OR6N1: variants seen among roughly 807,000 people sequenced by gnomAD.
OR6N1 encodes olfactory receptor 6N1.
For synonymous variants in OR6N1, 170 were observed against 150.7 expected, an observed-to-expected ratio of 1.13 and a Z score of -0.94; for missense variants, 394 against 371.7, an observed-to-expected ratio of 1.06 and a Z score of -0.49.
At chr1:158,838,811 T>C in the OR6N1 span, among the ~76,000 whole-genome samples, 1 of 152,194 alleles carries the variant, frequency 6.6e-6, no homozygotes, top group East Asian at 1.9e-4. Flanking sequence ...TAATTACACA[T>C]GACCTGTCTA....
At chr1:158,838,028 A>G in the OR6N1 span, among the ~76,000 whole-genome samples, 1 of 151,850 alleles carries the variant, frequency 6.6e-6, no homozygotes, top group African/African-American at 2.4e-5. Flanking sequence ...AATATTACAA[A>G]TTGCATTTAT....
At chr1:158,779,746 AC>A in the OR6N1 span, among the ~76,000 whole-genome samples, 1 of 152,220 alleles carries the variant, frequency 6.6e-6, no homozygotes, top group Non-Finnish European at 1.5e-5. Flanking sequence ...CCATCTGGGA[AC>A]TGCTTCTTAT....
chr1:158,776,446 T>C (rs1287893639), upstream of OR6N1: 5 of 367,298 alleles, frequency 1.4e-5, no homozygotes, highest in African/African-American at 4.2e-5. Context: ...CTAGGAAATA[T>C]ACATGCTTTT....
chr1:158,815,208 G>C, the OR6N1 span, among the ~76,000 whole-genome samples: 3 of 152,070 alleles, frequency 2.0e-5, no homozygotes, highest in Admixed American at 2.0e-4. Flanking sequence ...TAATCCTTAG[G>C]AGTCCCTTCA....
the OR6N1 span, among the ~76,000 whole-genome samples, chr1:158,835,282 C>A: frequency 6.6e-6 from 1 of 152,108 alleles, no homozygotes; most frequent in Non-Finnish European, 1.5e-5. Context: ...TACATTTGTG[C>A]CTTCTTTAAT....
At chr1:158,791,215 A>G in the OR6N1 span, among the ~76,000 whole-genome samples, 2 of 152,106 alleles carry the variant, frequency 1.3e-5, no homozygotes, top group Non-Finnish European at 2.9e-5. Context: ...GCAATCTACA[A>G]TTTTTTGATA....
In OR6N1 at chr1:158,766,539, C is replaced by G. The variant is rs762892471; in HGVS notation, c.144G>C (p.Val48=). ...TGTGAAGCCGGGAGTCCAGGCAGAC[C>G]ACCAGGAATATCAGCAGGTTTCCCA... ...TVLGNLLIFL[V]VCLDSRLHTP... is the part of the protein sequence containing the mutation. Residue 48 remains valine (V), a synonymous_variant, in exon 2 of 2, where the codon GTG becomes GTC. Transcript: ENST00000641846. The G allele has an allele frequency of 6.2e-7, 1 of 1,613,814 alleles. No homozygotes were observed. Among genetic ancestry groups the G allele is most frequent in the African/African-American group, 1.3e-5 (1 of 74,822 alleles).
chr1:158,818,117 C>T, the OR6N1 span, among the ~76,000 whole-genome samples: 1 of 152,198 alleles, frequency 6.6e-6, no homozygotes, highest in Non-Finnish European at 1.5e-5. Flanking sequence ...TTACTAAATA[C>T]CAAACCATCT....
At chr1:158,819,289 G>C in the OR6N1 span, among the ~76,000 whole-genome samples, 1 of 152,090 alleles carries the variant, frequency 6.6e-6, no homozygotes. Flanking sequence ...CCCTTCCCCA[G>C]GCCTGATTAG....
chr1:158,786,501 A>T, the OR6N1 span, among the ~76,000 whole-genome samples: 1 of 152,216 alleles, frequency 6.6e-6, no homozygotes, highest in East Asian at 1.9e-4. Flanking sequence ...CTGGGTATTT[A>T]CTCAAAGAAA....
At chr1:158,788,789 T>G in the OR6N1 span, among the ~76,000 whole-genome samples, 1 of 152,168 alleles carries the variant, frequency 6.6e-6, no homozygotes, top group African/African-American at 2.4e-5. Flanking sequence ...TTGTACCCAT[T>G]AATCAATATT....
chr1:158,833,751 A>G, the OR6N1 span, among the ~76,000 whole-genome samples: 4 of 152,234 alleles, frequency 2.6e-5, no homozygotes, highest in African/African-American at 7.2e-5. Flanking sequence ...TCATTCATCC[A>G]TTGAAGGACA....
At chr1:158,771,887 C>G (rs977199965) in intron 1 of OR6N1, 134 bp downstream of exon 1, 2 of 152,184 alleles carry the variant, frequency 1.3e-5, no homozygotes, top group Non-Finnish European at 2.9e-5. Context: ...AAAATAGTTT[C>G]TGTGTTTCAA....
chr1:158,770,581 A>C (rs1304585648), intron 1 of OR6N1, among the ~76,000 whole-genome samples: 1 of 152,232 alleles, frequency 6.6e-6, no homozygotes, highest in African/African-American at 2.4e-5. Context: ...AGTGGCCCCC[A>C]TAATTTTGGA....
chr1:158,788,226 A>C, the OR6N1 span, among the ~76,000 whole-genome samples: 1 of 152,200 alleles, frequency 6.6e-6, no homozygotes, highest in African/African-American at 2.4e-5. Flanking sequence ...TGTGTGTACT[A>C]ATAAAATTTA....
At chr1:158,782,232 C>T in the OR6N1 span, among the ~76,000 whole-genome samples, 1 of 152,172 alleles carries the variant, frequency 6.6e-6, no homozygotes, top group African/African-American at 2.4e-5. Flanking sequence ...TAAATGCAAA[C>T]ATTAACTATA....
chr1:158,823,168 TTC>T, the OR6N1 span, among the ~76,000 whole-genome samples: 523 of 152,298 alleles, frequency 3.4e-3, 5 homozygotes, highest in Admixed American at 7.5e-3. Context: ...GCCTGAATAT[TTC>T]TTTTTTGTTG....
At position 158,765,789 on chromosome 1, in the gene OR6N1, C is replaced by G. The variant is rs1378932142; in HGVS notation, c.894G>C (p.Lys298Asn). The G allele has an allele frequency of 1.9e-6, 3 of 1,614,154 alleles. No individual in the cohort carries two copies. The highest frequency in any genetic ancestry group is 2.5e-6 in the Non-Finnish European group (3 of 1,179,988). The change falls in exon 2 of 2, where the codon AAG becomes AAC. Residue 298 changes from lysine to asparagine, a missense_variant. Coordinates refer to ENST00000641846, the MANE Select transcript of OR6N1 (RefSeq NM_001005185.2). ...TCTTTAGCTGCCTCCTCACAGCCTC[C>G]TTGATCTCCTTGTTGCGCAAGCTGT... Reference protein sequence around the residue: ...FIYSLRNKEIKEAVRRQLKRI... With the variant: ...FIYSLRNKEINEAVRRQLKRI...
At chr1:158,793,189 T>A in the OR6N1 span, among the ~76,000 whole-genome samples, 1 of 151,960 alleles carries the variant, frequency 6.6e-6, no homozygotes, top group African/African-American at 2.4e-5. Flanking sequence ...GTTTTTTTTT[T>A]ATTTTTTCAT....
Sources: gnomAD v4.1 joint callset for allele counts (sites outside exome capture counted in the v4.1 genomes callset) on GRCh38, gnomAD v4.1.1 for gene constraint, MANE v1.5 for transcripts, NCBI Gene and HGNC (gene_info 2026-07-23, HGNC 2026-07-21) for gene names.